The following TAFA2 variants were observed in gnomAD, a reference collection of about 807,000 sequenced individuals.
TAFA2 encodes TAFA chemokine like family member 2.
In TAFA2, 7 loss-of-function variants were observed where a neutral mutation model predicts 18.8. The ratio of observed to expected loss-of-function variants is 0.37; its 90% CI spans 0.21 to 0.70. The LOEUF is 0.70. Among genes scored for constraint, TAFA2 ranks in the 30% least tolerant of loss-of-function variants. The pLI is 0.53. For missense variants in TAFA2, 122 were observed against 158.1 expected, an observed-to-expected ratio of 0.77 and a Z score of 1.23; for synonymous variants, 60 against 54.2, an observed-to-expected ratio of 1.11 and a Z score of -0.47.
chr12:61,816,336 C>G (rs747367850), intron 2 of TAFA2, among the ~76,000 whole-genome samples: 1 of 151,404 alleles, frequency 6.6e-6, no homozygotes, highest in African/African-American at 2.5e-5. Context: ...CATCCATGTT[C>G]CTGCAAAAGA....
chr12:61,772,459 T>A (rs1173074419), intron 2 of TAFA2, among the ~76,000 whole-genome samples: 1 of 151,542 alleles, frequency 6.6e-6, no homozygotes, highest in Non-Finnish European at 1.5e-5. Flanking sequence ...CCCTGATGAA[T>A]ACAGATGCAA....
intron 1 of TAFA2, among the ~76,000 whole-genome samples, chr12:62,184,282 A>C (rs909404591): frequency 6.6e-6 from 1 of 152,172 alleles, no homozygotes. Flanking sequence ...ATAATGCTTA[A>C]ATGCATACAT....
chr12:62,246,966 ACAAGT>A (rs1202812534), intron 1 of TAFA2, among the ~76,000 whole-genome samples: 1 of 152,072 alleles, frequency 6.6e-6, no homozygotes, highest in African/African-American at 2.4e-5. Context: ...CTGATTTTTA[ACAAGT>A]CAAATTAATC....
chr12:62,071,791 T>A (rs1347070891), intron 1 of TAFA2, among the ~76,000 whole-genome samples: 1 of 152,132 alleles, frequency 6.6e-6, no homozygotes, highest in African/African-American at 2.4e-5. Flanking sequence ...TCTAGATACT[T>A]GGCTTGAACA....
At chr12:61,843,848 C>T (rs1010399740) in intron 2 of TAFA2, among the ~76,000 whole-genome samples, 2 of 152,132 alleles carry the variant, frequency 1.3e-5, no homozygotes, top group Non-Finnish European at 2.9e-5. Flanking sequence ...TTAACACATT[C>T]AGCTGAAGAC....
At chr12:62,200,329 C>T (rs1300312351) in intron 1 of TAFA2, among the ~76,000 whole-genome samples, 6 of 152,008 alleles carry the variant, frequency 3.9e-5, no homozygotes, top group South Asian at 2.1e-4. Flanking sequence ...AATTTTTGCC[C>T]GTGCCTATGT....
intron 2 of TAFA2, among the ~76,000 whole-genome samples, chr12:61,806,515 C>T (rs978055295): frequency 2.0e-5 from 3 of 152,074 alleles, no homozygotes; most frequent in South Asian, 2.1e-4. Context: ...AAATTGATAC[C>T]GGTAGAGTGG....
At chr12:62,074,600 T>C (rs1882714141) in intron 1 of TAFA2, among the ~76,000 whole-genome samples, 1 of 152,170 alleles carries the variant, frequency 6.6e-6, no homozygotes, top group Non-Finnish European at 1.5e-5. Context: ...GAAGCCATGA[T>C]CTTCAACCAT....
Position 61,826,018 on chromosome 12 carries a change from G to T in TAFA2, c.106+41302C>A, listed in dbSNP as rs545159555. On this transcript the variant is annotated intron_variant, in intron 2 of 4. Coordinates refer to ENST00000416284, the MANE Select transcript of TAFA2 (RefSeq NM_178539.5). Reference sequence around the variant, plus strand: ...ATATATATCCTTTGAGCAATTTTCTGACATACTTTCCATTTCTTAATACAG... The same window carrying T: ...ATATATATCCTTTGAGCAATTTTCTTACATACTTTCCATTTCTTAATACAG... Among the ~76,000 whole-genome samples, 266 of 152,082 alleles carry T rather than the reference G, an allele frequency of 1.7e-3. 2 individuals carry two copies. Among genetic ancestry groups the T allele is most frequent in the African/African-American group, 6.1e-3 (255 of 41,520 alleles).
chr12:61,710,521 G>T, intron 4 of TAFA2, 104 bp from the exon 5 acceptor site: 1 of 912,216 alleles, frequency 1.1e-6, no homozygotes, highest in Non-Finnish European at 1.7e-6. Context: ...GCTGGTGTTT[G>T]CTATATCAAA....
chr12:62,074,808 TCTC>T (rs1882721397), intron 1 of TAFA2, among the ~76,000 whole-genome samples: 1 of 151,782 alleles, frequency 6.6e-6, no homozygotes, highest in South Asian at 2.1e-4. Context: ...TTCAAGCAAT[TCTC>T]CTGCCTCAGC....
intron 1 of TAFA2, among the ~76,000 whole-genome samples, chr12:62,112,708 T>A (rs1869787646): frequency 6.6e-6 from 1 of 152,094 alleles, no homozygotes; most frequent in South Asian, 2.1e-4. Context: ...TCTAATCTCA[T>A]CTTCAAGCTT....
At chr12:62,142,848 T>C (rs947459228) in intron 1 of TAFA2, among the ~76,000 whole-genome samples, 1 of 152,230 alleles carries the variant, frequency 6.6e-6, no homozygotes, top group Non-Finnish European at 1.5e-5. Context: ...ATTGTAACTA[T>C]TTGCTGGGCA....
rs547742829 is a variant in TAFA2 at position 62,111,544 on chromosome 12, T to C, written c.-2+79715A>G. ...TGAGTTCAAGTCCTGAATATCCTTG[T>C]TAATTTTCTGTCTCATTGATCTGTC... On this transcript the variant is annotated intron_variant, in intron 1 of 4. Transcript: ENST00000416284. Among the ~76,000 whole-genome samples the C allele has an allele frequency of 1.9e-3, 297 of 152,320 alleles. 1 individual carries two copies. The highest frequency in any genetic ancestry group is 7.0e-3 in the African/African-American group (292 of 41,574).
chr12:61,826,163 C>G, intron 2 of TAFA2, among the ~76,000 whole-genome samples: 1 of 152,002 alleles, frequency 6.6e-6, no homozygotes, highest in East Asian at 1.9e-4. Context: ...TAACACCATG[C>G]CCACTAGTCC....
chr12:61,819,157 G>T (rs1872217443), intron 2 of TAFA2, among the ~76,000 whole-genome samples: 3 of 152,102 alleles, frequency 2.0e-5, no homozygotes, highest in Admixed American at 2.0e-4. Context: ...GATGGAGTAG[G>T]TTTGTGTAGA....
chr12:62,137,434 T>C (rs1451230358), intron 1 of TAFA2, among the ~76,000 whole-genome samples: 2 of 152,132 alleles, frequency 1.3e-5, no homozygotes, highest in Non-Finnish European at 2.9e-5. Flanking sequence ...AGAAGTTAAC[T>C]AACCTGCACA....
At chr12:62,028,137 T>G (rs572564195) in intron 1 of TAFA2, among the ~76,000 whole-genome samples, 1 of 152,248 alleles carries the variant, frequency 6.6e-6, no homozygotes, top group South Asian at 2.1e-4. Context: ...AAGAGAAAAT[T>G]CTCAAAATAC....
At chr12:61,990,901 T>C (rs899273608) in intron 1 of TAFA2, among the ~76,000 whole-genome samples, 14 of 152,168 alleles carry the variant, frequency 9.2e-5, no homozygotes, top group African/African-American at 3.4e-4. Context: ...TTATAAGATA[T>C]GTGAGCTATA....
Sources: allele counts gnomAD v4.1 joint callset (sites outside exome capture counted in the v4.1 genomes callset), GRCh38; gene constraint gnomAD v4.1.1; transcripts MANE v1.5; gene names NCBI Gene and HGNC (gene_info 2026-07-23, HGNC 2026-07-21).